The following CTNNA3 variants were observed in gnomAD, a reference collection of about 807,000 sequenced individuals.
CTNNA3 encodes catenin alpha-3.
Under a neutral mutation model 95.7 loss-of-function variants are expected in CTNNA3, and 76 were observed. The observed-to-expected ratio is 0.79, with a 90% confidence interval of 0.66 to 0.96. The LOEUF (loss-of-function observed/expected upper bound fraction) is 0.96, where lower values mean the gene tolerates loss of function less well. CTNNA3 is among the 40% of genes least tolerant of loss of function. CTNNA3 has a pLI of 0.00. For synonymous variants in CTNNA3, 431 were observed against 374.4 expected (o/e 1.15, Z -1.74); for missense variants, 1,191 against 1,089.8 (o/e 1.09, Z -1.31).
At chr10:66,662,392 G>A (rs962483120) in intron 9 of CTNNA3, among the ~76,000 whole-genome samples, 2 of 152,052 alleles carry the variant, frequency 1.3e-5, no homozygotes, top group Non-Finnish European at 2.9e-5. Context: ...CATTTTGCTG[G>A]AACTTCCCTA....
chr10:67,491,268 T>A (rs537739239), intron 5 of CTNNA3, among the ~76,000 whole-genome samples: 2 of 152,314 alleles, frequency 1.3e-5, no homozygotes, highest in African/African-American at 2.4e-5. Context: ...CATAGTTCAT[T>A]TGGCAACCAT....
At chr10:66,237,148 A>G (rs2089894996) in intron 13 of CTNNA3, among the ~76,000 whole-genome samples, 1 of 152,134 alleles carries the variant, frequency 6.6e-6, no homozygotes, top group South Asian at 2.1e-4. Flanking sequence ...AACCCAAAAA[A>G]AGAATATGAA....
chr10:67,375,930 G>A (rs375631432), intron 5 of CTNNA3, among the ~76,000 whole-genome samples: 20 of 152,210 alleles, frequency 1.3e-4, no homozygotes, highest in South Asian at 2.1e-4. Flanking sequence ...TCAGGAAGGC[G>A]GAACCCTTAT....
At chr10:66,890,806 GGA>G (rs1236417596) in intron 7 of CTNNA3, among the ~76,000 whole-genome samples, 1 of 152,098 alleles carries the variant, frequency 6.6e-6, no homozygotes, top group Non-Finnish European at 1.5e-5. Context: ...GATTTAGTAG[GGA>G]GAGAGAGAAT....
At chr10:67,261,661 A>G (rs865980890) in intron 5 of CTNNA3, among the ~76,000 whole-genome samples, 6 of 152,204 alleles carry the variant, frequency 3.9e-5, no homozygotes, top group African/African-American at 1.4e-4. Flanking sequence ...GAATCAAATC[A>G]TTTTTATAGC....
At chr10:66,378,168 A>T (rs1403591022) in intron 12 of CTNNA3, among the ~76,000 whole-genome samples, 1 of 152,128 alleles carries the variant, frequency 6.6e-6, no homozygotes, top group African/African-American at 2.4e-5. Flanking sequence ...TGTTTCTCTT[A>T]ATTCATTTCA....
At chr10:65,948,648 G>C (rs1021670882) in intron 17 of CTNNA3, among the ~76,000 whole-genome samples, 3 of 151,972 alleles carry the variant, frequency 2.0e-5, no homozygotes, top group African/African-American at 7.2e-5. Flanking sequence ...GAAATTTAAT[G>C]TAACTTCAGG....
At chr10:66,533,444 T>C (rs987697210) in intron 10 of CTNNA3, among the ~76,000 whole-genome samples, 6 of 152,118 alleles carry the variant, frequency 3.9e-5, no homozygotes, top group Non-Finnish European at 5.9e-5. Context: ...TCTCAATATC[T>C]CAAACTTTAT....
chr10:66,988,249 G>T (rs1344780323), intron 7 of CTNNA3, among the ~76,000 whole-genome samples: 1 of 151,990 alleles, frequency 6.6e-6, no homozygotes, highest in Non-Finnish European at 1.5e-5. Context: ...TACCTCACAG[G>T]ATCATTGAGG....
chr10:67,577,780 C>A (rs1253837305), intron 3 of CTNNA3, among the ~76,000 whole-genome samples: 4 of 151,474 alleles, frequency 2.6e-5, no homozygotes, highest in African/African-American at 9.7e-5. Context: ...AGGTTGATTG[C>A]ATATCTTTGC....
At chr10:67,278,044 T>C (rs573733305) in intron 5 of CTNNA3, among the ~76,000 whole-genome samples, 3 of 152,324 alleles carry the variant, frequency 2.0e-5, no homozygotes, top group South Asian at 4.1e-4. Context: ...CTGTACTTTA[T>C]GGACTCGCCC....
intron 6 of CTNNA3, among the ~76,000 whole-genome samples, chr10:67,199,280 C>T (rs1265825587): frequency 2.0e-5 from 3 of 152,076 alleles, no homozygotes; most frequent in Admixed American, 1.3e-4. Flanking sequence ...TGTGGAGGTA[C>T]CTGACAACTT....
At chr10:67,356,873 T>C (rs1291195880) in intron 5 of CTNNA3, among the ~76,000 whole-genome samples, 2 of 152,032 alleles carry the variant, frequency 1.3e-5, no homozygotes, top group African/African-American at 4.8e-5. Flanking sequence ...AACCCAAATA[T>C]CTAAACATGG....
At chr10:67,676,422 T>C (rs1840535756) in intron 1 of CTNNA3, among the ~76,000 whole-genome samples, 1 of 152,208 alleles carries the variant, frequency 6.6e-6, no homozygotes, top group Non-Finnish European at 1.5e-5. Context: ...TATGTGGTAA[T>C]AGCAGGGTCC....
At chr10:67,561,938 C>T (rs955929659) in intron 3 of CTNNA3, among the ~76,000 whole-genome samples, 1 of 151,982 alleles carries the variant, frequency 6.6e-6, no homozygotes, top group Non-Finnish European at 1.5e-5. Flanking sequence ...GACTAAACCA[C>T]GAAGAAGTTG....
chr10:66,212,987 G>T (rs1284637270), intron 13 of CTNNA3, among the ~76,000 whole-genome samples: 2 of 152,138 alleles, frequency 1.3e-5, no homozygotes, highest in Non-Finnish European at 2.9e-5. Flanking sequence ...CTGCACTAGA[G>T]CCTAGGTGGT....
chr10:66,322,869 A>C (rs995270046), intron 12 of CTNNA3, among the ~76,000 whole-genome samples: 1 of 151,948 alleles, frequency 6.6e-6, no homozygotes, highest in Non-Finnish European at 1.5e-5. Flanking sequence ...GAGGGAGCAG[A>C]GAGCTGCTTT....
chr10:67,563,070 T>C (rs1589430287), intron 3 of CTNNA3, among the ~76,000 whole-genome samples: 2 of 151,796 alleles, frequency 1.3e-5, no homozygotes, highest in African/African-American at 4.8e-5. Context: ...CTGCCCAAGG[T>C]AATTTATAGA....
chr10:67,235,814 AC>A (rs1227011416), intron 5 of CTNNA3, among the ~76,000 whole-genome samples: 2 of 142,684 alleles, frequency 1.4e-5, no homozygotes, highest in Non-Finnish European at 3.0e-5. Context: ...AAACACATTT[AC>A]AAGAAAAAAA....
Sources: gnomAD v4.1 joint callset for allele counts (sites outside exome capture counted in the v4.1 genomes callset) on GRCh38, gnomAD v4.1.1 for gene constraint, MANE v1.5 for transcripts, NCBI Gene and HGNC (gene_info 2026-07-23, HGNC 2026-07-21) for gene names.